ZNF724: variants seen among roughly 807,000 people sequenced by gnomAD.
The protein encoded by ZNF724 is zinc finger protein 724.
Under a neutral mutation model 29.3 loss-of-function variants are expected in ZNF724, and 14 were observed. That is an observed-to-expected ratio of 0.48 (90% CI 0.32 to 0.75). ZNF724 has a LOEUF of 0.75. ZNF724 is among the 30% of genes least tolerant of loss of function. The probability of loss-of-function intolerance (pLI) is 0.04; values close to 1 mark genes in which losing one functional copy is unlikely to be tolerated. For missense variants in ZNF724, 557 were observed against 571.2 expected, an observed-to-expected ratio of 0.98 and a Z score of 0.25; for synonymous variants, 180 against 193.6, an observed-to-expected ratio of 0.93 and a Z score of 0.58.
intron 2 of ZNF724, among the ~76,000 whole-genome samples, chr19:23,231,756 T>C (rs549441639): frequency 6.6e-6 from 1 of 152,026 alleles, no homozygotes; most frequent in African/African-American, 2.4e-5. Context: ...TTTTTTGAGA[T>C]GGAGTCTCAC....
In ZNF724 at chr19:23,223,580, C is replaced by T. The variant is rs939736941; in HGVS notation, c.665G>A (p.Gly222Glu). 1.4e-6 allele frequency: 1 copy of T among 720,476 alleles called. No homozygotes were observed. The highest frequency in any genetic ancestry group is 1.7e-5 in the African/African-American group (1 of 57,338). The allele number at this position is 720,476 out of a possible 1,614,324, so 44.6% of individuals were successfully genotyped here. The change falls in exon 4 of 4, where the codon GGA becomes GAA. Residue 222 changes from glycine to glutamate, a missense_variant. By Grantham distance (98) the Gly-to-Glu change is moderately conservative. This residue lies in a region of ZNF724 where 362 missense variants were observed against 295.5 expected (regional missense o/e 1.22). Transcript: ENST00000418100. ...TTCTTCACATTTGTAGTGTTTTTGT[C>T]CTGTATGAATTCTCTTATGTTGAGA... ...TLSQHKRIHT[G>E]QKHYKCEECG... is the part of the protein sequence containing the mutation.
At chr19:23,248,434 G>A (rs564282073) in intron 1 of ZNF724, among the ~76,000 whole-genome samples, 11 of 152,012 alleles carry the variant, frequency 7.2e-5, no homozygotes, top group Non-Finnish European at 1.3e-4. Flanking sequence ...GGGGATACAC[G>A]GGAGACCCTG....
chr19:23,240,368 T>A (rs1223672487), intron 1 of ZNF724, among the ~76,000 whole-genome samples: 1 of 150,982 alleles, frequency 6.6e-6, no homozygotes, highest in African/African-American at 2.4e-5. Context: ...TTGGTCGCAC[T>A]CTGACCAAAA....
At position 23,222,778 on chromosome 19, in the gene ZNF724, T is replaced by C. The variant is rs10412126; in HGVS notation, c.1467A>G (p.Leu489=). 0.55 allele frequency: 787,044 copies of C among 1,424,176 alleles called. 222,822 individuals carry two copies. The highest frequency in any genetic ancestry group is 0.7 in the East Asian group (30,878 of 43,880). The allele number at this position is 1,424,176 out of a possible 1,614,324, so 88.2% of individuals were successfully genotyped here. ...TCTTATGTGTTGTAAGGTGTGAGGA[T>C]AGGTTAAAAGCTTTGCCACATTCTT... ...KCEECGKAFN[L]SSHLTTHKKI... Residue 489 remains leucine, a synonymous_variant, in exon 4 of 4, where the codon CTA becomes CTG. Coordinates refer to ENST00000418100, the MANE Select transcript of ZNF724 (RefSeq NM_001355404.2).
intron 1 of ZNF724, among the ~76,000 whole-genome samples, chr19:23,245,677 C>G (rs1039441045): frequency 1.3e-5 from 2 of 151,964 alleles, no homozygotes; most frequent in African/African-American, 2.4e-5. Flanking sequence ...CCATTCCCCT[C>G]CCACCTTGTT....
Position 23,222,624 on chromosome 19 carries a change from T to C in ZNF724, c.1621A>G (p.Lys541Glu). The C allele has an allele frequency of 7.4e-7, 1 of 1,358,960 alleles. No homozygotes were observed. The highest frequency in any genetic ancestry group is 1.2e-5 in the South Asian group (1 of 84,900). 84.2% of individuals were successfully genotyped at this position (1,358,960 alleles called of 1,614,324 possible). The stretch of plus-strand genomic sequence containing the variant: ...AGGTTTGAGTATTGGTAAAAAGCTT[T>C]GCCACATTCTTCACATTTGTAGGGT... The part of the protein sequence containing the change: ...EKPYKCEECG[K>E]AFYQYSNLTQ... Residue 541 changes from lysine to glutamate, a missense_variant, in exon 4 of 4, where the codon AAA (lysine) becomes GAA (glutamate). Lys to Glu is a moderately conservative substitution (Grantham distance 56). This residue lies in a region of ZNF724 where 170 missense variants were observed against 220.7 expected (regional missense o/e 0.77). Coordinates refer to ENST00000418100, the MANE Select transcript of ZNF724 (RefSeq NM_001355404.2).
At chr19:23,239,374 T>C (rs371734942) in intron 1 of ZNF724, among the ~76,000 whole-genome samples, 521 of 152,262 alleles carry the variant, frequency 3.4e-3, no homozygotes, top group African/African-American at 0.012. Flanking sequence ...AAACACACAC[T>C]TAGGCCACAG....
chr19:23,223,115 A>G lies in ZNF724; in HGVS notation c.1130T>C (p.Val377Ala). Reference sequence around the variant, plus strand: ...CTTATGTTGAGTAAGAGTTGAGGACACGTTAAAGGCTTTGCCACACTCTTC... The same window carrying G: ...CTTATGTTGAGTAAGAGTTGAGGACGCGTTAAAGGCTTTGCCACACTCTTC... ...KCEECGKAFN[V>A]SSTLTQHKRI... Residue 377 changes from valine to alanine, a missense_variant, in exon 4 of 4, where the codon GTG becomes GCG. Around this residue, in one of 3 missense-constraint regions of ZNF724, gnomAD observed 362 missense variants for 295.5 expected, o/e 1.22. Transcript: ENST00000418100. 1 of 1,248,684 alleles carries G rather than the reference A, an allele frequency of 8.0e-7. No homozygotes were observed. The allele number at this position is 1,248,684 out of a possible 1,614,324, so 77.4% of individuals were successfully genotyped here. A position where few individuals can be genotyped will look rare whatever the true frequency, so the allele number is the denominator to read the frequency against.
chr19:23,231,900 AT>A (rs1191213196), intron 2 of ZNF724, among the ~76,000 whole-genome samples: 1 of 151,854 alleles, frequency 6.6e-6, no homozygotes, highest in African/African-American at 2.4e-5. Context: ...CACCTGGCTA[AT>A]TTTTTTATTT....
chr19:23,241,991 T>C (rs930365536), intron 1 of ZNF724, among the ~76,000 whole-genome samples: 1 of 152,168 alleles, frequency 6.6e-6, no homozygotes, highest in Non-Finnish European at 1.5e-5. Flanking sequence ...AACCCTAGTT[T>C]TGGCAGAAAT....
rs56412544 is a variant in ZNF724, at chr19:23,240,599, C to T, written c.4-8306G>A. ...GATGCTAAAACAGGCCAGGTTTTGT[C>T]TGTCTTTTGTAAACAGCAGATTTAA... On this transcript the variant is annotated intron_variant, in intron 1 of 3. Coordinates refer to ENST00000418100, the MANE Select transcript of ZNF724 (RefSeq NM_001355404.2). Among the ~76,000 whole-genome samples, 26 of 151,518 alleles carry T rather than the reference C, an allele frequency of 1.7e-4. No homozygotes were observed. In the South Asian group the frequency reaches 5.4e-3, roughly 32 times the overall value.
rs1207586290 is a variant in ZNF724 at position 23,246,744 on chromosome 19, GCAATAAGAGGAACTGATGTTTTTAT to G, written c.3+3471_3+3495del. ...ATATTCACTCTCAGAAATTTACCCT[GCAATAAGAGGAACTGATGTTTTTAT>G]CAATCTATGTAACTCAGCAATTATC... On this transcript the variant is annotated intron_variant, in intron 1 of 3. Coordinates refer to ENST00000418100, the MANE Select transcript of ZNF724 (RefSeq NM_001355404.2). Among the ~76,000 whole-genome samples the G allele has an allele frequency of 2.0e-5, 3 of 151,978 alleles. No homozygotes were observed. The East Asian group carries it at 5.8e-4, about 29-fold the overall frequency.
At chr19:23,245,362 C>T (rs1568346591) in intron 1 of ZNF724, among the ~76,000 whole-genome samples, 1 of 152,170 alleles carries the variant, frequency 6.6e-6, no homozygotes, top group Non-Finnish European at 1.5e-5. Flanking sequence ...GCCTGTAATC[C>T]CAGCACTTTG....
chr19:23,222,741 C>T lies in ZNF724; in HGVS notation c.1504G>A (p.Gly502Arg). 7.1e-7 allele frequency: 1 copy of T among 1,403,794 alleles called. No individual in the cohort carries two copies. Among genetic ancestry groups the T allele is most frequent in the Non-Finnish European group, 1.0e-6 (1 of 997,326 alleles). 87.0% of individuals were successfully genotyped at this position (1,403,794 alleles called of 1,614,324 possible). ...HLTTHKKIHT[G>R]EKPYKCKECG... is the part of the protein sequence containing the mutation. Reference sequence around the variant, plus strand: ...TCTTTACATTTGTAGGGTTTCTCTCCAGTATGAATTTTCTTATGTGTTGTA... The same window carrying T: ...TCTTTACATTTGTAGGGTTTCTCTCTAGTATGAATTTTCTTATGTGTTGTA... Residue 502 changes from glycine to arginine, a missense_variant, in exon 4 of 4, where the codon GGA becomes AGA. By Grantham distance (125) the Gly-to-Arg change is moderately radical. Around this residue, in one of 3 missense-constraint regions of ZNF724, gnomAD observed 170 missense variants for 220.7 expected, o/e 0.77. Transcript: ENST00000418100.
intron 1 of ZNF724, among the ~76,000 whole-genome samples, chr19:23,242,188 GACA>G (rs1376921503): frequency 2.0e-5 from 3 of 152,118 alleles, no homozygotes; most frequent in Non-Finnish European, 2.9e-5. Flanking sequence ...AGATCTCTAC[GACA>G]ACAATTACAA....
chr19:23,230,079 C>T (rs895094978), intron 3 of ZNF724, among the ~76,000 whole-genome samples: 5 of 152,010 alleles, frequency 3.3e-5, no homozygotes, highest in South Asian at 4.2e-4. Flanking sequence ...TTATAAGATA[C>T]GGTTCCATAA....
intron 1 of ZNF724, among the ~76,000 whole-genome samples, chr19:23,238,364 A>ACAAAAAAC (rs1555725133): frequency 5.3e-5 from 8 of 151,924 alleles, no homozygotes; most frequent in Non-Finnish European, 8.8e-5. Flanking sequence ...ACCTCAAAAA[A>ACAAAAAAC]CAAAAAACAA....
intron 1 of ZNF724, among the ~76,000 whole-genome samples, chr19:23,237,626 C>T (rs1250332399): frequency 2.7e-5 from 4 of 150,632 alleles, no homozygotes; most frequent in East Asian, 2.0e-4. Context: ...TAATTTAGGT[C>T]GGGCGCAGTG....
intron 1 of ZNF724, among the ~76,000 whole-genome samples, chr19:23,244,246 G>A (rs1280964526): frequency 2.6e-5 from 4 of 152,150 alleles, no homozygotes; most frequent in Non-Finnish European, 5.9e-5. Flanking sequence ...CAGATTCGGT[G>A]TCTGGGGAAC....
Sources: allele counts gnomAD v4.1 joint callset (sites outside exome capture counted in the v4.1 genomes callset), GRCh38; gene constraint gnomAD v4.1.1; regional missense constraint gnomAD v4.1.1; transcripts MANE v1.5; gene names NCBI Gene and HGNC (gene_info 2026-07-23, HGNC 2026-07-21).